CHST11: variants seen among roughly 807,000 people sequenced by gnomAD.
The protein encoded by CHST11 is C4S-1.
In CHST11, 9 loss-of-function variants were observed where a neutral mutation model predicts 30.4. The ratio of observed to expected loss-of-function variants is 0.30; its 90% CI spans 0.18 to 0.52. The LOEUF (loss-of-function observed/expected upper bound fraction) is 0.52. Among genes scored for constraint, CHST11 ranks in the 20% least tolerant of loss-of-function variants. CHST11 has a pLI of 0.97. For missense variants in CHST11, 348 were observed against 460.6 expected (o/e 0.76, Z 2.24); for synonymous variants, 152 against 187.8 (o/e 0.81, Z 1.56).
At chr12:104,668,354 G>T (rs146031746) in intron 2 of CHST11, among the ~76,000 whole-genome samples, 2 of 152,232 alleles carry the variant, frequency 1.3e-5, no homozygotes, top group Non-Finnish European at 2.9e-5. Context: ...TCCAGTTTCC[G>T]TATGTGGAGC....
intron 1 of CHST11, among the ~76,000 whole-genome samples, chr12:104,503,405 C>T (rs922198101): frequency 3.3e-5 from 5 of 152,214 alleles, no homozygotes; most frequent in South Asian, 2.1e-4. Flanking sequence ...TATGTGGCCT[C>T]GGGCAAATCG....
intron 2 of CHST11, among the ~76,000 whole-genome samples, chr12:104,646,595 G>A (rs1204679435): frequency 1.3e-5 from 2 of 152,148 alleles, no homozygotes; most frequent in Admixed American, 6.5e-5. Context: ...AGCTGGGCAT[G>A]GTGGCACGTG....
At chr12:104,736,643 G>A (rs1450167414) in intron 2 of CHST11, among the ~76,000 whole-genome samples, 11 of 152,300 alleles carry the variant, frequency 7.2e-5, no homozygotes, top group African/African-American at 2.4e-4. Context: ...CGTACAACTC[G>A]GGAAGCCCAC....
chr12:104,665,477 G>A (rs1440775144), intron 2 of CHST11, among the ~76,000 whole-genome samples: 2 of 152,062 alleles, frequency 1.3e-5, no homozygotes. Context: ...CTGGGGTCAC[G>A]CTGCCTAGGT....
At chr12:104,613,778 T>C (rs953216087) in intron 2 of CHST11, among the ~76,000 whole-genome samples, 1 of 152,200 alleles carries the variant, frequency 6.6e-6, no homozygotes. Context: ...ACAGGGACAG[T>C]ATGCTAAGTG....
rs2040494452 is a variant in CHST11 at position 104,757,982 on chromosome 12, G to T, written c.*179G>T. The T allele has an allele frequency of 3.0e-6, 2 of 676,086 alleles. No individual in the cohort carries two copies. The highest frequency in any genetic ancestry group is 3.6e-5 in the African/African-American group (2 of 54,978). 41.9% of individuals were successfully genotyped at this position (676,086 alleles called of 1,614,324 possible). A position where few individuals can be genotyped will look rare whatever the true frequency, so the allele number is the denominator to read the frequency against. ...GGGAAGGACAGCTGTCTTTGCAGGGGAAATAGGATGGGTCGTCCTTGTCTG... is the reference window on the plus strand; with the variant it reads ...GGGAAGGACAGCTGTCTTTGCAGGGTAAATAGGATGGGTCGTCCTTGTCTG... On this transcript the variant is annotated 3_prime_UTR_variant, in exon 3 of 3. Transcript: ENST00000303694. This position sits in a 1 kb window ranked among gnomAD's most constrained non-coding sequence, Gnocchi z 6.5.
chr12:104,633,546 C>T (rs1215407743), intron 2 of CHST11, among the ~76,000 whole-genome samples: 3 of 151,214 alleles, frequency 2.0e-5, no homozygotes, highest in African/African-American at 2.4e-5. Context: ...TCCCGAGTAG[C>T]TGGGATTACA....
intron 2 of CHST11, among the ~76,000 whole-genome samples, chr12:104,683,675 A>G (rs2039818670): frequency 6.6e-6 from 1 of 152,328 alleles, no homozygotes; most frequent in South Asian, 2.1e-4. Flanking sequence ...TGCAAAGGAA[A>G]ATTTTTAAAA....
chr12:104,569,101 G>C (rs1448886433), intron 1 of CHST11, among the ~76,000 whole-genome samples: 3 of 152,046 alleles, frequency 2.0e-5, no homozygotes, highest in Non-Finnish European at 4.4e-5. Flanking sequence ...GCATGGAGAG[G>C]GTTAGTATCC....
chr12:104,661,700 C>G (rs1362446684), intron 2 of CHST11, among the ~76,000 whole-genome samples: 1 of 152,208 alleles, frequency 6.6e-6, no homozygotes, highest in Non-Finnish European at 1.5e-5. Context: ...TCCTCTGCCT[C>G]CTGATACACA....
intron 2 of CHST11, among the ~76,000 whole-genome samples, chr12:104,680,259 C>T (rs866620552): frequency 4.4e-4 from 67 of 152,382 alleles, no homozygotes; most frequent in African/African-American, 1.6e-3. Flanking sequence ...TCTTAAGCCA[C>T]GCTCTTGCCT....
intron 2 of CHST11, among the ~76,000 whole-genome samples, chr12:104,649,476 G>T (rs2039471010): frequency 6.6e-6 from 1 of 152,138 alleles, no homozygotes; most frequent in Admixed American, 6.5e-5. Flanking sequence ...CTCAGTATCT[G>T]CCTGAGGTCA....
At chr12:104,561,107 T>C (rs1000354365) in intron 1 of CHST11, among the ~76,000 whole-genome samples, 20 of 152,218 alleles carry the variant, frequency 1.3e-4, no homozygotes, top group African/African-American at 4.6e-4. Context: ...TCATGTGCTA[T>C]TTGTGAGTGT....
chr12:104,549,115 G>A (rs945881439), intron 1 of CHST11, among the ~76,000 whole-genome samples: 11 of 152,184 alleles, frequency 7.2e-5, no homozygotes, highest in South Asian at 2.1e-4. Flanking sequence ...GCGGTAAAGC[G>A]TCCAGAAGTG....
chr12:104,573,812 T>C (rs1479541105), intron 1 of CHST11, among the ~76,000 whole-genome samples: 1 of 152,206 alleles, frequency 6.6e-6, no homozygotes, highest in Non-Finnish European at 1.5e-5. Context: ...AAAGACTTCA[T>C]GTCTAAAACA....
intron 1 of CHST11, among the ~76,000 whole-genome samples, chr12:104,511,781 AG>A (rs2037968385): frequency 6.6e-6 from 1 of 152,206 alleles, no homozygotes; most frequent in Non-Finnish European, 1.5e-5. Flanking sequence ...GAGAGAATGT[AG>A]CTGAGGTTCC....
chr12:104,485,975 C>T (rs1460509204), intron 1 of CHST11, among the ~76,000 whole-genome samples: 1 of 152,188 alleles, frequency 6.6e-6, no homozygotes, highest in African/African-American at 2.4e-5. Flanking sequence ...TAAGTCATCG[C>T]ACCATTCTGT....
intron 1 of CHST11, among the ~76,000 whole-genome samples, chr12:104,471,698 A>T (rs1385008521): frequency 2.0e-5 from 3 of 152,198 alleles, no homozygotes; most frequent in Non-Finnish European, 2.9e-5. Flanking sequence ...AAGTGAAAAG[A>T]AACAGGTGAG....
chr12:104,489,756 C>T (rs1297471281), intron 1 of CHST11, among the ~76,000 whole-genome samples: 2 of 152,168 alleles, frequency 1.3e-5, no homozygotes, highest in East Asian at 3.9e-4. Context: ...AGCCACTGCG[C>T]CCGGCCAGAA....
Sources: gnomAD v4.1 joint callset for allele counts (sites outside exome capture counted in the v4.1 genomes callset) on GRCh38, gnomAD v4.1.1 for gene constraint, Gnocchi (gnomAD v3.1) non-coding constraint, MANE v1.5 for transcripts, NCBI Gene and HGNC (gene_info 2026-07-23, HGNC 2026-07-21) for gene names.